The following PTPRG variants were observed in gnomAD, a reference collection of about 807,000 sequenced individuals.
PTPRG encodes protein tyrosine phosphatase receptor type G.
A neutral mutation model predicts 165.3 loss-of-function variants in PTPRG; 102 were observed. The ratio of observed to expected loss-of-function variants is 0.62; its 90% CI spans 0.53 to 0.73. The LOEUF is 0.73. Among genes scored for constraint, PTPRG ranks in the 30% least tolerant of loss-of-function variants. The probability of loss-of-function intolerance (pLI) is 0.00; values close to 1 mark genes in which losing one functional copy is unlikely to be tolerated. For missense variants in PTPRG, 1,866 were observed against 1,861.4 expected (o/e 1.00, Z -0.05); for synonymous variants, 675 against 669.5 (o/e 1.01, Z -0.13).
At chr3:62,013,522 G>A (rs907269968) in intron 4 of PTPRG, among the ~76,000 whole-genome samples, 1 of 152,190 alleles carries the variant, frequency 6.6e-6, no homozygotes, top group Non-Finnish European at 1.5e-5. Context: ...TAATAAAAAT[G>A]TATTGTATGC....
At chr3:61,906,058 A>T (rs2038640721) in intron 2 of PTPRG, among the ~76,000 whole-genome samples, 1 of 152,204 alleles carries the variant, frequency 6.6e-6, no homozygotes, top group South Asian at 2.1e-4. Flanking sequence ...TAGCTCTAAA[A>T]GTACATGTGA....
rs2035941077 is a variant in PTPRG, at chr3:61,821,106, TAA to T, written c.190+72128_190+72129del. On this transcript the variant is annotated intron_variant, in intron 2 of 29. Transcript: ENST00000474889. ...TTTATGAGTTTAACTTTTTCAATAATAAAAACAGCACAAAACATATTAATCAT... is the reference window on the plus strand; with the variant it reads ...TTTATGAGTTTAACTTTTTCAATAATAAACAGCACAAAACATATTAATCAT... 2.6e-5 allele frequency among the ~76,000 whole-genome samples: 4 copies of T among 152,290 alleles called. No homozygotes were observed. In the South Asian group the frequency reaches 8.3e-4, roughly 32 times the overall value.
chr3:62,014,430 CAG>C (rs1346553219), intron 4 of PTPRG, among the ~76,000 whole-genome samples: 2 of 152,162 alleles, frequency 1.3e-5, no homozygotes, highest in Non-Finnish European at 2.9e-5. Flanking sequence ...CTTAGCAAGA[CAG>C]GGTACTTTAA....
At chr3:61,980,956 C>T (rs900553101) in intron 2 of PTPRG, among the ~76,000 whole-genome samples, 4 of 152,282 alleles carry the variant, frequency 2.6e-5, no homozygotes, top group South Asian at 2.1e-4. Context: ...ATAGTACCAA[C>T]CTAAACCAGT....
chr3:62,025,012 T>C (rs2041775130), intron 4 of PTPRG, among the ~76,000 whole-genome samples: 1 of 152,192 alleles, frequency 6.6e-6, no homozygotes, highest in South Asian at 2.1e-4. Context: ...AAAAGTTATT[T>C]TCCAGGAGTA....
chr3:61,821,817 A>G (rs1414008850), intron 2 of PTPRG, among the ~76,000 whole-genome samples: 1 of 152,202 alleles, frequency 6.6e-6, no homozygotes, highest in African/African-American at 2.4e-5. Flanking sequence ...TACTAGTATT[A>G]TATCACTGGA....
chr3:62,140,553 G>C (rs1043528062), intron 6 of PTPRG, among the ~76,000 whole-genome samples: 8 of 152,136 alleles, frequency 5.3e-5, no homozygotes, highest in Non-Finnish European at 8.8e-5. Context: ...AGTCAGAACA[G>C]TGGGGAGGAG....
At chr3:61,854,971 A>G (rs1384600586) in intron 2 of PTPRG, among the ~76,000 whole-genome samples, 1 of 152,172 alleles carries the variant, frequency 6.6e-6, no homozygotes, top group Admixed American at 6.5e-5. Flanking sequence ...TTTTTCTAGT[A>G]GAGGGAATGC....
intron 2 of PTPRG, among the ~76,000 whole-genome samples, chr3:61,925,224 C>T (rs1049955850): frequency 6.6e-6 from 1 of 152,220 alleles, no homozygotes; most frequent in Non-Finnish European, 1.5e-5. Context: ...GCATTTGGCC[C>T]ATTGGCCGCA....
intron 16 of PTPRG, among the ~76,000 whole-genome samples, chr3:62,258,799 T>C (rs1701610425): frequency 6.6e-6 from 1 of 152,226 alleles, no homozygotes; most frequent in Non-Finnish European, 1.5e-5. Context: ...CTTGGCTACC[T>C]GAGCTAACTT....
chr3:62,217,045 C>T lies in PTPRG; in HGVS notation c.2156-1806C>T, dbSNP rs1323773686. 2.0e-5 allele frequency among the ~76,000 whole-genome samples: 3 copies of T among 152,144 alleles called. No individual in the cohort carries two copies. Among genetic ancestry groups the T allele is most frequent in the African/African-American group, 4.8e-5 (2 of 41,428 alleles). Reference sequence around the variant, plus strand: ...TAATTGTTGTTGTGCCTGCCTCTCCCCATTTAAAAGATTCCTCCCCATGGG... The same window carrying T: ...TAATTGTTGTTGTGCCTGCCTCTCCTCATTTAAAAGATTCCTCCCCATGGG... On this transcript the variant is annotated intron_variant, in intron 12 of 29. Coordinates refer to ENST00000474889, the MANE Select transcript of PTPRG (RefSeq NM_002841.4). This position sits in a 1 kb window ranked among gnomAD's most constrained non-coding sequence, Gnocchi z 4.3.
chr3:61,929,788 G>T (rs753377984), intron 2 of PTPRG, among the ~76,000 whole-genome samples: 2 of 152,170 alleles, frequency 1.3e-5, no homozygotes, highest in Non-Finnish European at 2.9e-5. Flanking sequence ...TCTTTCTAAC[G>T]TGTCAGCCTT....
At chr3:62,086,137 G>A (rs1458540983) in intron 5 of PTPRG, among the ~76,000 whole-genome samples, 1 of 152,062 alleles carries the variant, frequency 6.6e-6, no homozygotes, top group Non-Finnish European at 1.5e-5. Flanking sequence ...CTGGTATAAA[G>A]CAGAACACCA....
intron 2 of PTPRG, among the ~76,000 whole-genome samples, chr3:61,957,339 A>G (rs1464125704): frequency 6.6e-6 from 1 of 152,246 alleles, no homozygotes; most frequent in Non-Finnish European, 1.5e-5. Flanking sequence ...ATATTTTAAA[A>G]TCCAGTTTTT....
chr3:61,860,114 A>T (rs1383956004), intron 2 of PTPRG, among the ~76,000 whole-genome samples: 1 of 152,216 alleles, frequency 6.6e-6, no homozygotes, highest in Non-Finnish European at 1.5e-5. Flanking sequence ...CCTGTTACTA[A>T]AGATGTTGAG....
chr3:61,613,065 C>CA (rs1199388169), intron 1 of PTPRG, among the ~76,000 whole-genome samples: 1 of 152,188 alleles, frequency 6.6e-6, no homozygotes, highest in Admixed American at 6.5e-5. Flanking sequence ...CTTAGACTGT[C>CA]AGAGTCAAAA....
At position 62,023,508 on chromosome 3, in the gene PTPRG, GC is replaced by G. The variant is rs202106742; in HGVS notation, c.519+20013del. Among the ~76,000 whole-genome samples, 805 of 152,156 alleles carry G rather than the reference GC, an allele frequency of 5.3e-3. 4 individuals are homozygous for G. The highest frequency in any genetic ancestry group is 0.018 in the African/African-American group (750 of 41,496). On this transcript the variant is annotated intron_variant, in intron 4 of 29. Transcript: ENST00000474889. ...TTGTAAGTGCTCCATCTGGTTTGGA[GC>G]CTTTCTTATTCCTATGCACTCCTCC... is the stretch of plus-strand genomic sequence containing the variant.
chr3:62,277,601 T>A lies in PTPRG; in HGVS notation c.3687T>A (p.His1229Gln). Residue 1229 changes from histidine to glutamine, a missense_variant, in exon 26 of 30, where the codon CAT (histidine) becomes CAA (glutamine). Around this residue, in one of 3 missense-constraint regions of PTPRG, gnomAD observed 1,452 missense variants for 1,463.0 expected, o/e 0.99. Coordinates refer to ENST00000474889, the MANE Select transcript of PTPRG (RefSeq NM_002841.4). ...TTATAACTCAGCATCCTCTGCCACA[T>A]ACTACGAAAGATTTCTGGCGAATGA... ...EFIITQHPLPHTTKDFWRMIW... is the reference protein window; with the variant it reads ...EFIITQHPLPQTTKDFWRMIW... 1 of 1,612,660 alleles carries A rather than the reference T, an allele frequency of 6.2e-7. No individual in the cohort carries two copies. Among genetic ancestry groups the A allele is most frequent in the Non-Finnish European group, 8.5e-7 (1 of 1,179,282 alleles).
intron 1 of PTPRG, among the ~76,000 whole-genome samples, chr3:61,726,084 C>T (rs1296442258): frequency 6.6e-6 from 1 of 152,148 alleles, no homozygotes; most frequent in Non-Finnish European, 1.5e-5. Flanking sequence ...CAGGCCTTCC[C>T]CACATATTTA....
Sources: gnomAD v4.1 joint callset for allele counts (sites outside exome capture counted in the v4.1 genomes callset) on GRCh38, gnomAD v4.1.1 for gene constraint, gnomAD v4.1.1 regional missense constraint, Gnocchi (gnomAD v3.1) non-coding constraint, MANE v1.5 for transcripts, NCBI Gene and HGNC (gene_info 2026-07-23, HGNC 2026-07-21) for gene names.